CDH12: variants seen among roughly 807,000 people sequenced by gnomAD.
CDH12 encodes the protein cadherin-12.
A neutral mutation model predicts 74.1 loss-of-function variants in CDH12; 41 were observed. That is an observed-to-expected ratio of 0.55 (90% CI 0.43 to 0.72). CDH12 has a LOEUF of 0.72. Among genes scored for constraint, CDH12 ranks in the 30% least tolerant of loss-of-function variants. CDH12 has a pLI of 0.00. For missense variants in CDH12, 945 were observed against 977.2 expected (o/e 0.97, Z 0.44); for synonymous variants, 399 against 355.0 (o/e 1.12, Z -1.39).
chr5:22,511,007 G>T (rs1343235700), intron 1 of CDH12, among the ~76,000 whole-genome samples: 1 of 151,618 alleles, frequency 6.6e-6, no homozygotes, highest in Non-Finnish European at 1.5e-5. Flanking sequence ...CAATTCTCCT[G>T]CCTCAGCCTC....
chr5:22,408,189 T>C (rs1035785348), intron 2 of CDH12, among the ~76,000 whole-genome samples: 3 of 144,216 alleles, frequency 2.1e-5, no homozygotes, highest in African/African-American at 8.8e-5. Flanking sequence ...GTTTTCCACT[T>C]TTATCTCTGT....
chr5:22,539,346 T>G (rs1036409646), intron 1 of CDH12, among the ~76,000 whole-genome samples: 3 of 152,210 alleles, frequency 2.0e-5, no homozygotes, highest in Non-Finnish European at 4.4e-5. Flanking sequence ...AGAGGTAATG[T>G]CTGCACATCA....
intron 1 of CDH12, among the ~76,000 whole-genome samples, chr5:22,684,061 AG>A (rs1453542034): frequency 6.6e-6 from 1 of 152,228 alleles, no homozygotes; most frequent in Admixed American, 6.5e-5. Context: ...GTATTTCACA[AG>A]GGAGTCCTAT....
intron 11 of CDH12, among the ~76,000 whole-genome samples, chr5:21,782,614 G>C (rs1221370917): frequency 6.6e-6 from 1 of 152,150 alleles, no homozygotes; most frequent in Non-Finnish European, 1.5e-5. Context: ...AACGTTTCAA[G>C]AGACCATAAG....
intron 6 of CDH12, among the ~76,000 whole-genome samples, chr5:21,906,702 GTAGATACATCCAGCCAT>G (rs763611190): frequency 1.3e-5 from 2 of 152,198 alleles, no homozygotes; most frequent in Non-Finnish European, 2.9e-5. Context: ...TTGTGAGTCT[GTAGATACATCCAGCCAT>G]GTTTTTCCAC....
At chr5:22,481,234 T>C (rs780913077) in intron 2 of CDH12, among the ~76,000 whole-genome samples, 8 of 152,240 alleles carry the variant, frequency 5.3e-5, no homozygotes, top group Non-Finnish European at 1.0e-4. Context: ...ATGGGAACTC[T>C]TGTACACTGT....
intron 1 of CDH12, among the ~76,000 whole-genome samples, chr5:22,624,988 G>C (rs912500840): frequency 6.6e-6 from 1 of 152,088 alleles, no homozygotes; most frequent in Non-Finnish European, 1.5e-5. Flanking sequence ...CCATAAAAAA[G>C]GGTGAGTTCA....
chr5:22,171,118 A>G lies in CDH12; in HGVS notation c.-187+41380T>C, dbSNP rs192664470. Among the ~76,000 whole-genome samples, 604 of 152,030 alleles carry G rather than the reference A, an allele frequency of 4.0e-3. 8 individuals carry two copies. The highest frequency in any genetic ancestry group is 0.014 in the African/African-American group (567 of 41,540). ...TCTAGTCCAAGAACTTGCATGGTCC[A>G]CTGAACAGCATCATTGACAAGGAAT... On this transcript the variant is annotated intron_variant, in intron 4 of 14. Coordinates refer to ENST00000382254, the MANE Select transcript of CDH12 (RefSeq NM_004061.5).
At chr5:22,028,023 C>A (rs1457313322) in intron 5 of CDH12, among the ~76,000 whole-genome samples, 1 of 151,950 alleles carries the variant, frequency 6.6e-6, no homozygotes, top group African/African-American at 2.4e-5. Flanking sequence ...TGTCTTTGTT[C>A]TCGTTGGTTT....
chr5:22,032,342 G>A (rs934366307), intron 5 of CDH12, among the ~76,000 whole-genome samples: 3 of 152,102 alleles, frequency 2.0e-5, no homozygotes, highest in Admixed American at 6.6e-5. Flanking sequence ...AAGTGTAGGC[G>A]ATTCCATTTT....
intron 1 of CDH12, among the ~76,000 whole-genome samples, chr5:22,780,298 G>T (rs1747321057): frequency 6.6e-6 from 1 of 152,110 alleles, no homozygotes; most frequent in Non-Finnish European, 1.5e-5. Context: ...GGCTGAGATG[G>T]GAGGTTTGCT....
At chr5:22,773,910 A>G (rs936085103) in intron 1 of CDH12, among the ~76,000 whole-genome samples, 1 of 152,200 alleles carries the variant, frequency 6.6e-6, no homozygotes, top group African/African-American at 2.4e-5. Flanking sequence ...ACTATCAGAG[A>G]AATGCAAATC....
intron 3 of CDH12, among the ~76,000 whole-genome samples, chr5:22,257,907 G>T (rs1753374208): frequency 6.6e-6 from 1 of 151,938 alleles, no homozygotes; most frequent in Admixed American, 6.6e-5. Flanking sequence ...AGGCATAAAT[G>T]GGTTAATCTA....
At chr5:22,738,627 C>T (rs909192574) in intron 1 of CDH12, among the ~76,000 whole-genome samples, 16 of 151,972 alleles carry the variant, frequency 1.1e-4, no homozygotes, top group Non-Finnish European at 1.6e-4. Flanking sequence ...AAATACCTAA[C>T]TTCAAGGGGA....
chr5:22,122,045 T>G (rs1200976434), intron 4 of CDH12, among the ~76,000 whole-genome samples: 1 of 152,104 alleles, frequency 6.6e-6, no homozygotes, highest in African/African-American at 2.4e-5. Context: ...AAAATACTTA[T>G]TAGGTCATGT....
At chr5:22,632,422 T>G (rs2126858364) in intron 1 of CDH12, among the ~76,000 whole-genome samples, 1 of 152,156 alleles carries the variant, frequency 6.6e-6, no homozygotes, top group Admixed American at 6.6e-5. Context: ...TAAAAAATCT[T>G]TATAGATAAT....
intron 5 of CDH12, among the ~76,000 whole-genome samples, chr5:22,068,940 T>C (rs564401111): frequency 4.8e-4 from 73 of 152,236 alleles, no homozygotes; most frequent in African/African-American, 1.8e-3. Flanking sequence ...AGACCAACAG[T>C]AAATCCCCAA....
chr5:22,062,334 G>A (rs1424153143), intron 5 of CDH12, among the ~76,000 whole-genome samples: 1 of 152,088 alleles, frequency 6.6e-6, no homozygotes, highest in Non-Finnish European at 1.5e-5. Flanking sequence ...AGTATATTGT[G>A]TCATTTCTTT....
chr5:21,951,746 T>G (rs2150101448), intron 6 of CDH12, among the ~76,000 whole-genome samples: 1 of 152,354 alleles, frequency 6.6e-6, no homozygotes, highest in African/African-American at 2.4e-5. Context: ...AAGAAAGTAC[T>G]TCACTGCACT....
Sources: allele counts gnomAD v4.1 joint callset (sites outside exome capture counted in the v4.1 genomes callset), GRCh38; gene constraint gnomAD v4.1.1; transcripts MANE v1.5; gene names NCBI Gene and HGNC (gene_info 2026-07-23, HGNC 2026-07-21).